The following COG3 variants were observed in gnomAD, a reference collection of about 807,000 sequenced individuals.
COG3 encodes conserved oligomeric Golgi complex subunit 3.
Under a neutral mutation model 114.1 loss-of-function variants are expected in COG3, and 32 were observed. The observed-to-expected ratio is 0.28, with a 90% CI of 0.21 to 0.38. The LOEUF (loss-of-function observed/expected upper bound fraction) is 0.38, where lower values mean the gene tolerates loss of function less well. Among genes scored for constraint, COG3 ranks in the 10% least tolerant of loss-of-function variants. COG3 has a pLI of 1.00. For synonymous variants in COG3, 352 were observed against 365.7 expected (o/e 0.96, Z 0.43); for missense variants, 813 against 973.2 (o/e 0.84, Z 2.19).
intron 19 of COG3, among the ~76,000 whole-genome samples, chr13:45,523,262 C>A (rs1872361293): frequency 6.6e-6 from 1 of 150,844 alleles, no homozygotes; most frequent in Non-Finnish European, 1.5e-5. Flanking sequence ...TCTTAATATT[C>A]CCTCTGAAGT....
intron 10 of COG3, 121 bp from the exon 11 acceptor site, chr13:45,492,038 A>C (rs1887050256): frequency 1.8e-6 from 1 of 544,130 alleles, no homozygotes; most frequent in Admixed American, 3.9e-5. Flanking sequence ...TCCGTTCTTC[A>C]GTAAGTTGTT....
Position 45,509,693 on chromosome 13 carries a change from T to C in COG3, c.1596T>C (p.Gly532=). 1.9e-6 allele frequency: 3 copies of C among 1,613,306 alleles called. No individual in the cohort carries two copies. Among genetic ancestry groups the C allele is most frequent in the Non-Finnish European group, 2.5e-6 (3 of 1,179,638 alleles). The change falls in exon 15 of 23, where the codon GGT becomes GGC. Residue 532 remains glycine, a splice_region_variant and synonymous_variant. Coordinates refer to ENST00000349995, the MANE Select transcript of COG3 (RefSeq NM_031431.4). ...TCTTCTTTTCCACTTGGGTTTTAGG[T>C]TCAACAGAATCCCTCAATCCTAGAC... ...EGESNSLTKS[G]STESLNPRPQ...
intron 8 of COG3, among the ~76,000 whole-genome samples, chr13:45,487,690 C>T (rs1190918003): frequency 1.3e-5 from 2 of 152,176 alleles, no homozygotes; most frequent in Non-Finnish European, 2.9e-5. Context: ...AGTGAGATGT[C>T]ATCTCACCCC....
chr13:45,509,752 G>T lies in COG3; in HGVS notation c.1655G>T (p.Gly552Val), dbSNP rs551149553. ...QTTISPADLH[G>V]MWYPTVRRTL... is the part of the protein sequence containing the mutation. ...ACAATTTCTCCAGCAGATCTTCATGGAATGTGGTATCCTACGGTTCGAAGA... is the reference window on the plus strand; with the variant it reads ...ACAATTTCTCCAGCAGATCTTCATGTAATGTGGTATCCTACGGTTCGAAGA... The change falls in exon 15 of 23, where the codon GGA (glycine) becomes GTA (valine). Residue 552 changes from glycine to valine, a missense_variant. Gly to Val is a moderately radical substitution (Grantham distance 109). Coordinates refer to ENST00000349995, the MANE Select transcript of COG3 (RefSeq NM_031431.4). 5 of 1,613,896 alleles carry T rather than the reference G, an allele frequency of 3.1e-6. No homozygotes were observed. Among genetic ancestry groups the T allele is most frequent in the South Asian group, 1.1e-5 (1 of 91,070 alleles).
chr13:45,509,953 A>G (rs1354487069), intron 15 of COG3, 137 bp downstream of exon 15: 1 of 901,534 alleles, frequency 1.1e-6, no homozygotes, highest in East Asian at 2.8e-5. Context: ...ACTTGAGGTC[A>G]AGCTAATTTA....
intron 21 of COG3, 66 bp downstream of exon 21, chr13:45,529,984 A>T: frequency 6.5e-7 from 1 of 1,528,136 alleles, no homozygotes; most frequent in Non-Finnish European, 8.8e-7. Context: ...CTCATTTACC[A>T]TTTTCCTTTT....
intron 22 of COG3, among the ~76,000 whole-genome samples, chr13:45,534,104 C>T (rs541791136): frequency 1.3e-5 from 2 of 152,326 alleles, no homozygotes; most frequent in Admixed American, 1.3e-4. Context: ...GGGCAGGTTG[C>T]TCCTGCAGTT....
At chr13:45,515,031 TTACA>T (rs1301173239) in intron 16 of COG3, among the ~76,000 whole-genome samples, 2 of 152,250 alleles carry the variant, frequency 1.3e-5, no homozygotes. Flanking sequence ...GAAATTGTTC[TTACA>T]TACTTAAACT....
intron 21 of COG3, 43 bp from the exon 22 acceptor site, chr13:45,530,639 T>G (rs1208790662): frequency 8.3e-7 from 1 of 1,207,708 alleles, no homozygotes; most frequent in East Asian, 2.3e-5. Context: ...GCTTCGTGTT[T>G]AAGACAACTC....
rs187812122 is a variant in COG3 at position 45,472,275 on chromosome 13, T to G, written c.175-3926T>G. Among the ~76,000 whole-genome samples the G allele has an allele frequency of 1.3e-3, 205 of 152,322 alleles. 1 individual carries two copies. The highest frequency in any genetic ancestry group is 4.8e-3 in the African/African-American group (198 of 41,580). ...CTTTTATCTTTGGTTTTTGAAAGTT[T>G]GAATATGATGTGCACAGAGGGGTTT... On this transcript the variant is annotated intron_variant, in intron 1 of 22. Coordinates refer to ENST00000349995, the MANE Select transcript of COG3 (RefSeq NM_031431.4).
intron 19 of COG3, among the ~76,000 whole-genome samples, chr13:45,523,902 G>A (rs1194082931): frequency 1.3e-5 from 2 of 152,160 alleles, no homozygotes; most frequent in African/African-American, 2.4e-5. Flanking sequence ...TCTTTTAGCA[G>A]TGTCTAGTAT....
chr13:45,477,906 G>GT (rs1449683048), intron 2 of COG3, among the ~76,000 whole-genome samples: 3 of 152,054 alleles, frequency 2.0e-5, no homozygotes, highest in Non-Finnish European at 2.9e-5. Flanking sequence ...GATTACAGGC[G>GT]TGAGCTACCA....
rs1446640573 is a variant in COG3 at position 45,499,885 on chromosome 13, G to C, written c.1489-3359G>C. 3.9e-5 allele frequency among the ~76,000 whole-genome samples: 6 copies of C among 152,178 alleles called. No homozygotes were observed. The East Asian group carries it at 9.6e-4, about 24-fold the overall frequency. On this transcript the variant is annotated intron_variant, in intron 13 of 22. Coordinates refer to ENST00000349995, the MANE Select transcript of COG3 (RefSeq NM_031431.4). ...AAAAATACAAAAATGAGGCAGGCAT[G>C]GTGGCGGCTGTAGTCCTAGCTACTC...
Position 45,524,944 on chromosome 13 carries a change from G to A in COG3, c.2155-32G>A, listed in dbSNP as rs769660952. 4.4e-6 allele frequency: 7 copies of A among 1,575,170 alleles called. No homozygotes were observed. The East Asian group carries it at 1.6e-4, about 35-fold the overall frequency. ...CAGTTTAATTTGTCATTGATGAAAT[G>A]AAACTTTTTTTCTTTTTGTCTCCTC... On this transcript the variant is annotated intron_variant, in intron 19 of 22. Coordinates refer to ENST00000349995, the MANE Select transcript of COG3 (RefSeq NM_031431.4).
chr13:45,495,943 G>A (rs768191947), intron 12 of COG3, among the ~76,000 whole-genome samples: 9 of 151,968 alleles, frequency 5.9e-5, no homozygotes, highest in Non-Finnish European at 4.4e-5. Context: ...ATTAAACAGA[G>A]TACTGCCCAG....
chr13:45,496,083 A>G, intron 12 of COG3, 69 bp from the exon 13 acceptor site: 1 of 1,488,530 alleles, frequency 6.7e-7, no homozygotes, highest in East Asian at 2.4e-5. Context: ...ATTTAGTAAC[A>G]TCTTTGCTTG....
intron 1 of COG3, chr13:45,465,954 G>A (rs1464560142): frequency 6.6e-6 from 1 of 152,184 alleles, no homozygotes; most frequent in African/African-American, 2.4e-5. Flanking sequence ...GAAGTAACAT[G>A]AATTGTCAGA....
chr13:45,526,610 T>G (rs1872723842), intron 20 of COG3, among the ~76,000 whole-genome samples: 1 of 152,256 alleles, frequency 6.6e-6, no homozygotes, highest in Admixed American at 6.5e-5. Context: ...TGACATACTT[T>G]AGGTGTTTCG....
At position 45,518,969 on chromosome 13, in the gene COG3, G is replaced by A. The variant is rs1398479812; in HGVS notation, c.2029G>A (p.Glu677Lys). 1.3e-5 allele frequency: 21 copies of A among 1,613,958 alleles called. No individual in the cohort carries two copies. Among genetic ancestry groups the A allele is most frequent in the Non-Finnish European group, 1.8e-5 (21 of 1,179,978 alleles). Residue 677 changes from glutamate to lysine, a missense_variant, in exon 19 of 23, where the codon GAG (glutamate) becomes AAG (lysine). Physicochemically the swap from Glu to Lys is moderately conservative, Grantham distance 56 (BLOSUM62 1). Transcript: ENST00000349995. The part of the protein sequence containing the change: ...LIEFLLEGTP[E>K]IREHYLDSKK... ...TTATCTTCTTTTTAAGGGTACTCCT[G>A]AGATAAGAGAACATTATCTTGACTC...
Sources: gnomAD v4.1 joint callset for allele counts (sites outside exome capture counted in the v4.1 genomes callset) on GRCh38, gnomAD v4.1.1 for gene constraint, MANE v1.5 for transcripts, NCBI Gene and HGNC (gene_info 2026-07-23, HGNC 2026-07-21) for gene names.